CSMD1: variants seen among roughly 807,000 people sequenced by gnomAD.
CSMD1 encodes CUB and Sushi multiple domains 1, also known as CUB and sushi domain-containing protein 1.
CSMD1 carries 213 observed loss-of-function variants against 417.5 expected under a neutral mutation model. The observed-to-expected ratio is 0.51, with a 90% confidence interval of 0.46 to 0.57. The LOEUF is 0.57. Ranked by LOEUF, CSMD1 falls within the 20% of genes least tolerant of loss-of-function variation. The pLI is 0.00. For missense variants in CSMD1, 6,923 were observed against 4,529.7 expected, an observed-to-expected ratio of 1.53 and a Z score of -15.17; for synonymous variants, 2,862 against 1,736.8, an observed-to-expected ratio of 1.65 and a Z score of -16.11.
intron 5 of CSMD1, among the ~76,000 whole-genome samples, chr8:3,973,221 A>G (rs552043345): frequency 1.3e-5 from 2 of 152,342 alleles, no homozygotes; most frequent in South Asian, 4.1e-4. Flanking sequence ...TGTGCCCTAC[A>G]TAGAGCTGTT....
chr8:4,054,539 G>A (rs766685147), intron 3 of CSMD1, among the ~76,000 whole-genome samples: 3 of 151,984 alleles, frequency 2.0e-5, no homozygotes, highest in African/African-American at 7.3e-5. Flanking sequence ...TATCAAACAT[G>A]CCTGAGATGT....
chr8:3,765,261 G>T (rs1355364128), intron 5 of CSMD1, among the ~76,000 whole-genome samples: 2 of 152,104 alleles, frequency 1.3e-5, no homozygotes, highest in Non-Finnish European at 2.9e-5. Flanking sequence ...TTGATCCTGT[G>T]CAGTCAATCT....
At chr8:3,049,082 C>T (rs1484450365) in intron 50 of CSMD1, among the ~76,000 whole-genome samples, 2 of 152,068 alleles carry the variant, frequency 1.3e-5, no homozygotes, top group African/African-American at 4.8e-5. Flanking sequence ...CTGATAGCAC[C>T]AGATGCTCGC....
In CSMD1 at chr8:3,394,017, TATATATATATATATA is replaced by T. The variant is rs1563342265; in HGVS notation, c.2593+2162_2593+2176del. Reference sequence around the variant, plus strand: ...AATAATAATAAAAAAATAAATTATATATATATATATATATATATATATATATATATATATATATAG... The same window carrying T: ...AATAATAATAAAAAAATAAATTATATTATATATATATATATATATATATAG... On this transcript the variant is annotated intron_variant, in intron 17 of 69. Coordinates refer to ENST00000635120, the MANE Select transcript of CSMD1 (RefSeq NM_033225.6). Among the ~76,000 whole-genome samples the T allele has an allele frequency of 6.1e-3, 474 of 77,208 alleles. 11 individuals are homozygous for T. The highest frequency in any genetic ancestry group is 0.032 in the Middle Eastern group (5 of 156). 50.7% of individuals were successfully genotyped at this position (77,208 alleles called of 152,430 possible).
intron 1 of CSMD1, among the ~76,000 whole-genome samples, chr8:4,953,178 G>C (rs181249434): frequency 1.6e-4 from 24 of 152,254 alleles, no homozygotes; most frequent in Non-Finnish European, 8.8e-5. Flanking sequence ...CAAAGTATAA[G>C]GTAGCACTCA....
intron 3 of CSMD1, among the ~76,000 whole-genome samples, chr8:4,277,544 A>C (rs1224545178): frequency 6.6e-6 from 1 of 152,150 alleles, no homozygotes; most frequent in Non-Finnish European, 1.5e-5. Flanking sequence ...AGTTTTCTTG[A>C]AATTATAGAC....
At chr8:4,520,129 GA>G (rs1803359418) in intron 2 of CSMD1, among the ~76,000 whole-genome samples, 1 of 152,124 alleles carries the variant, frequency 6.6e-6, no homozygotes. Flanking sequence ...ACATTCATCT[GA>G]AAGAGCAAAG....
chr8:4,671,029 T>C (rs139319358), intron 1 of CSMD1, among the ~76,000 whole-genome samples: 3,367 of 152,300 alleles, frequency 0.022, 73 homozygotes, highest in Non-Finnish European at 0.03. Context: ...TGCTGTTTTA[T>C]CCACTAATAA....
intron 5 of CSMD1, among the ~76,000 whole-genome samples, chr8:3,965,910 C>G (rs963200266): frequency 6.6e-6 from 1 of 152,122 alleles, no homozygotes; most frequent in South Asian, 2.1e-4. Context: ...AGCCACCATG[C>G]CCGGCCAATG....
intron 12 of CSMD1, among the ~76,000 whole-genome samples, chr8:3,440,497 G>C (rs901552802): frequency 1.3e-5 from 2 of 152,128 alleles, no homozygotes; most frequent in African/African-American, 4.8e-5. Context: ...TGTTCATCCT[G>C]TATCCTGTGA....
At chr8:4,455,280 C>A (rs145613880) in intron 2 of CSMD1, among the ~76,000 whole-genome samples, 114 of 152,270 alleles carry the variant, frequency 7.5e-4, no homozygotes, top group Non-Finnish European at 1.2e-3. Flanking sequence ...AGAAGGAGAA[C>A]TTCATGATGG....
chr8:3,405,489 T>C (rs79998330), intron 15 of CSMD1, among the ~76,000 whole-genome samples: 2,663 of 152,264 alleles, frequency 0.017, 77 homozygotes, highest in African/African-American at 0.061. Context: ...CTGTTATAGG[T>C]TGAATTCTGT....
In CSMD1 at chr8:3,846,854, T is replaced by C. The variant is rs759416030; in HGVS notation, c.819-92812A>G. Among the ~76,000 whole-genome samples, 26 of 152,042 alleles carry C rather than the reference T, an allele frequency of 1.7e-4. 1 individual carries two copies. The highest frequency in any genetic ancestry group is 3.3e-4 in the Admixed American group (5 of 15,262). On this transcript the variant is annotated intron_variant, in intron 5 of 69. Coordinates refer to ENST00000635120, the MANE Select transcript of CSMD1 (RefSeq NM_033225.6). ...ACGTCTGGCTAATTTTTTGTATATTTAGTGCAGACAGGGTTTCATCATGTT... is the reference window on the plus strand; with the variant it reads ...ACGTCTGGCTAATTTTTTGTATATTCAGTGCAGACAGGGTTTCATCATGTT...
intron 5 of CSMD1, among the ~76,000 whole-genome samples, chr8:3,906,107 G>C (rs1808090509): frequency 6.6e-6 from 1 of 152,158 alleles, no homozygotes; most frequent in Non-Finnish European, 1.5e-5. Flanking sequence ...GCTAACCTCA[G>C]AGTTGCTGTG....
chr8:4,014,108 A>C (rs1056864533), intron 4 of CSMD1, among the ~76,000 whole-genome samples: 1 of 152,330 alleles, frequency 6.6e-6, no homozygotes, highest in Non-Finnish European at 1.5e-5. Context: ...AAACTCAGCA[A>C]ATTAAAAAGA....
chr8:3,396,842 G>T (rs1183211217), intron 16 of CSMD1, among the ~76,000 whole-genome samples: 18 of 151,706 alleles, frequency 1.2e-4, no homozygotes, highest in Non-Finnish European at 1.9e-4. Context: ...AAACAAAGAA[G>T]ATCATTAAAA....
chr8:3,203,325 A>C (rs1488908949), intron 31 of CSMD1, among the ~76,000 whole-genome samples: 1 of 152,136 alleles, frequency 6.6e-6, no homozygotes, highest in African/African-American at 2.4e-5. Context: ...CCCGTCACAC[A>C]CACTGAGTCC....
At chr8:3,147,655 A>G (rs1206237594) in intron 40 of CSMD1, among the ~76,000 whole-genome samples, 1 of 152,194 alleles carries the variant, frequency 6.6e-6, no homozygotes, top group Non-Finnish European at 1.5e-5. Flanking sequence ...CTTGTTACTT[A>G]GTGTTGCAAG....
At chr8:4,019,647 G>C (rs1315472613) in intron 4 of CSMD1, among the ~76,000 whole-genome samples, 1 of 152,144 alleles carries the variant, frequency 6.6e-6, no homozygotes, top group Non-Finnish European at 1.5e-5. Context: ...GTTAGAAAGG[G>C]AGCTGGAACT....
Sources: allele counts gnomAD v4.1 joint callset (sites outside exome capture counted in the v4.1 genomes callset), GRCh38; gene constraint gnomAD v4.1.1; transcripts MANE v1.5; gene names NCBI Gene and HGNC (gene_info 2026-07-23, HGNC 2026-07-21).